Variants in PPFIA2 observed in about 807,000 individuals in gnomAD.
The protein encoded by PPFIA2 is liprin-alpha-2.
In PPFIA2, 46 loss-of-function variants were observed where a neutral mutation model predicts 175.5. The observed-to-expected ratio is 0.26, with a 90% confidence interval of 0.21 to 0.34. The LOEUF (loss-of-function observed/expected upper bound fraction) is 0.34. Ranked by LOEUF, PPFIA2 falls within the 10% of genes least tolerant of loss-of-function variation. The probability of loss-of-function intolerance (pLI) is 1.00; values close to 1 mark genes in which losing one functional copy is unlikely to be tolerated. For synonymous variants in PPFIA2, 568 were observed against 511.4 expected (o/e 1.11, Z -1.49); for missense variants, 1,179 against 1,506.1 (o/e 0.78, Z 3.60).
chr12:81,358,144 T>A lies in PPFIA2; in HGVS notation c.1711A>T (p.Thr571Ser). Residue 571 changes from threonine (T) to serine (S), a missense_variant, in exon 16 of 33, where the codon ACA becomes TCA. Coordinates refer to ENST00000549396, the MANE Select transcript of PPFIA2 (RefSeq NM_003625.5). The part of the protein sequence containing the change: ...SLVDSQSDYR[T>S]TKVIRRPRRG... ...CTTGGTCTTCTTATTACTTTAGTTG[T>A]TCTGTAATCAGACTGGCTGTCCACT... The A allele has an allele frequency of 4.4e-6, 7 of 1,601,242 alleles. No homozygotes were observed. The highest frequency in any genetic ancestry group is 6.0e-6 in the Non-Finnish European group (7 of 1,173,354).
chr12:81,310,447 G>A (rs2050482092), intron 22 of PPFIA2, among the ~76,000 whole-genome samples: 1 of 152,096 alleles, frequency 6.6e-6, no homozygotes, highest in Non-Finnish European at 1.5e-5. Context: ...ATTGTAGAAT[G>A]AAGTCCATTA....
In PPFIA2 at chr12:81,306,998, A is replaced by C. The variant is rs117804890; in HGVS notation, c.2643-7616T>G. Among the ~76,000 whole-genome samples the C allele has an allele frequency of 4.6e-4, 70 of 152,312 alleles. No individual in the cohort carries two copies. In the East Asian group the frequency reaches 0.013, roughly 28 times the overall value. On this transcript the variant is annotated intron_variant, in intron 22 of 32. Transcript: ENST00000549396. Reference sequence around the variant, plus strand: ...ACCTTTCCTTCTAACCAGAATTGAAAAGTACTTTCACAGTTTGTGCATTAC... The same window carrying C: ...ACCTTTCCTTCTAACCAGAATTGAACAGTACTTTCACAGTTTGTGCATTAC...
rs532517609 is a variant in PPFIA2 at position 81,382,025 on chromosome 12, C to T, written c.984+1998G>A. Among the ~76,000 whole-genome samples the T allele has an allele frequency of 5.9e-5, 9 of 152,054 alleles. No homozygotes were observed. The South Asian group carries it at 1.5e-3, about 25-fold the overall frequency. On this transcript the variant is annotated intron_variant, in intron 9 of 32. Coordinates refer to ENST00000549396, the MANE Select transcript of PPFIA2 (RefSeq NM_003625.5). ...GTTTACGAATAGTTGGGGTGGGAGGCATATGATAACCAAGTATATCAGTAA... is the reference window on the plus strand; with the variant it reads ...GTTTACGAATAGTTGGGGTGGGAGGTATATGATAACCAAGTATATCAGTAA...
chr12:81,362,479 T>C (rs1857877717), intron 15 of PPFIA2, among the ~76,000 whole-genome samples: 5 of 151,416 alleles, frequency 3.3e-5, no homozygotes. Context: ...AAAGTTAACA[T>C]TTTAATTTTT....
At chr12:81,550,837 T>C (rs1485140857) in intron 4 of PPFIA2, among the ~76,000 whole-genome samples, 1 of 151,686 alleles carries the variant, frequency 6.6e-6, no homozygotes, top group African/African-American at 2.4e-5. Flanking sequence ...AAAATCTATA[T>C]TTAATGGCTA....
chr12:81,481,243 G>A (rs2058181512), intron 4 of PPFIA2, among the ~76,000 whole-genome samples: 1 of 152,110 alleles, frequency 6.6e-6, no homozygotes, highest in South Asian at 2.1e-4. Flanking sequence ...AATAAGAGAG[G>A]ACACAAACAA....
chr12:81,438,737 C>G (rs1300852435), intron 7 of PPFIA2, among the ~76,000 whole-genome samples: 2 of 152,032 alleles, frequency 1.3e-5, no homozygotes, highest in Non-Finnish European at 2.9e-5. Flanking sequence ...TTGATACATT[C>G]ATATAATGTG....
intron 18 of PPFIA2, 187 bp from the exon 19 acceptor site, chr12:81,344,880 G>A (rs564690642): frequency 2.0e-6 from 1 of 494,028 alleles, no homozygotes; most frequent in Non-Finnish European, 3.7e-6. Context: ...TTTAGAGAGG[G>A]AACTTCTCAG....
chr12:81,418,908 A>C (rs1205363153), intron 7 of PPFIA2, among the ~76,000 whole-genome samples: 1 of 151,986 alleles, frequency 6.6e-6, no homozygotes, highest in Admixed American at 6.6e-5. Flanking sequence ...AGAGATTCAG[A>C]TAATATAATG....
At chr12:81,269,678 G>A (rs954822227) in intron 28 of PPFIA2, among the ~76,000 whole-genome samples, 15 of 152,078 alleles carry the variant, frequency 9.9e-5, no homozygotes, top group Admixed American at 6.6e-4. Flanking sequence ...TTACAGAATC[G>A]CCTTGCCCGA....
At chr12:81,753,911 A>G in intron 3 of PPFIA2, 62 bp downstream of exon 3, 1 of 1,576,270 alleles carries the variant, frequency 6.3e-7, no homozygotes, top group Non-Finnish European at 8.7e-7. Context: ...GAATGGGAGT[A>G]AAGTGAATCT....
chr12:81,668,022 A>T (rs2070686352), intron 4 of PPFIA2, among the ~76,000 whole-genome samples: 1 of 152,034 alleles, frequency 6.6e-6, no homozygotes, highest in South Asian at 2.1e-4. Flanking sequence ...GGACTTCTAA[A>T]TTGGGACTCA....
intron 4 of PPFIA2, among the ~76,000 whole-genome samples, chr12:81,672,692 A>C (rs2071664547): frequency 6.6e-6 from 1 of 152,050 alleles, no homozygotes; most frequent in Non-Finnish European, 1.5e-5. Flanking sequence ...ATTCCAAAGA[A>C]ATAAATAGAA....
intron 24 of PPFIA2, among the ~76,000 whole-genome samples, chr12:81,287,671 T>C (rs1414523277): frequency 2.0e-5 from 3 of 151,878 alleles, no homozygotes; most frequent in Non-Finnish European, 4.4e-5. Context: ...AGTCAATTAT[T>C]CAATCAGATT....
intron 7 of PPFIA2, among the ~76,000 whole-genome samples, chr12:81,408,910 A>T (rs977897738): frequency 3.3e-5 from 5 of 152,196 alleles, no homozygotes; most frequent in Admixed American, 1.3e-4. Context: ...AAGTTTCAGC[A>T]CCTGATTTAA....
intron 8 of PPFIA2, among the ~76,000 whole-genome samples, chr12:81,386,136 G>C (rs572807300): frequency 6.6e-6 from 1 of 151,498 alleles, no homozygotes; most frequent in South Asian, 2.1e-4. Context: ...AAAAAAATAG[G>C]GTGTGGTGGC....
chr12:81,660,020 G>A (rs1297894595), intron 4 of PPFIA2, among the ~76,000 whole-genome samples: 2 of 152,030 alleles, frequency 1.3e-5, no homozygotes, highest in African/African-American at 4.8e-5. Flanking sequence ...CAAACAGAAA[G>A]GACACCCACA....
At chr12:81,480,750 A>T (rs1278995937) in intron 4 of PPFIA2, among the ~76,000 whole-genome samples, 1 of 152,146 alleles carries the variant, frequency 6.6e-6, no homozygotes, top group Non-Finnish European at 1.5e-5. Context: ...GGCTGCAGAC[A>T]GCAAAGATTG....
chr12:81,638,373 G>A (rs960284283), intron 4 of PPFIA2, among the ~76,000 whole-genome samples: 6 of 151,772 alleles, frequency 4.0e-5, no homozygotes, highest in Non-Finnish European at 7.4e-5. Context: ...TGGATCTAGA[G>A]CTCAGAAAAA....
Sources: gnomAD v4.1 joint callset for allele counts (sites outside exome capture counted in the v4.1 genomes callset) on GRCh38, gnomAD v4.1.1 for gene constraint, MANE v1.5 for transcripts, NCBI Gene and HGNC (gene_info 2026-07-23, HGNC 2026-07-21) for gene names.